SMPX: variants seen among roughly 807,000 people sequenced by gnomAD.
SMPX encodes small muscular protein.
A neutral mutation model predicts 6.3 loss-of-function variants in SMPX; 2 were observed. The ratio of observed to expected loss-of-function variants is 0.32; its 90% CI spans 0.13 to 0.99. The LOEUF is 0.99. Ranked by LOEUF, SMPX falls within the 50% of genes least tolerant of loss-of-function variation. SMPX has a pLI of 0.49. For synonymous variants in SMPX, 32 were observed against 24.7 expected (o/e 1.30, Z -0.88); for missense variants, 60 against 66.8 (o/e 0.90, Z 0.36).
intron 4 of SMPX, chrX:21,733,566 T>G (rs2092807233): frequency 4.1e-6 from 1 of 245,046 alleles, no homozygotes. Flanking sequence ...AAGGAGAATT[T>G]CTTTTTAGAG....
chrX:21,716,523 T>G (rs2092785294), intron 4 of SMPX, among the ~76,000 whole-genome samples: 1 of 112,303 alleles, frequency 8.9e-6, no homozygotes, highest in Non-Finnish European at 1.9e-5. Flanking sequence ...CACAGGGTGG[T>G]TGGGAGGATA....
intron 4 of SMPX, among the ~76,000 whole-genome samples, chrX:21,730,096 T>C (rs188839693): frequency 8.9e-6 from 1 of 112,326 alleles, no homozygotes; most frequent in African/African-American, 3.2e-5. Flanking sequence ...ATGAAAAATA[T>C]CAGCATAAAA....
intron 1 of SMPX, among the ~76,000 whole-genome samples, chrX:21,756,042 C>T (rs1266626397): frequency 8.9e-6 from 1 of 112,016 alleles, no homozygotes; most frequent in Admixed American, 9.5e-5. Context: ...AGAAAAGCTT[C>T]GTGGCTTAAT....
At chrX:21,725,467 C>A (rs1427449961) in intron 4 of SMPX, among the ~76,000 whole-genome samples, 1 of 112,589 alleles carries the variant, frequency 8.9e-6, no homozygotes, top group Non-Finnish European at 1.9e-5. Flanking sequence ...CCAAGTATTT[C>A]TTAAGCTGAT....
At chrX:21,706,732 C>A (rs1467245361) in intron 4 of SMPX, among the ~76,000 whole-genome samples, 2 of 110,593 alleles carry the variant, frequency 1.8e-5, no homozygotes, top group Non-Finnish European at 3.8e-5. Flanking sequence ...AAGGGTGGGG[C>A]CAGATGGAGA....
chrX:21,720,314 C>T (rs2092790330), intron 4 of SMPX, among the ~76,000 whole-genome samples: 1 of 111,912 alleles, frequency 8.9e-6, no homozygotes, highest in Non-Finnish European at 1.9e-5. Context: ...GGGAAGGCAC[C>T]AAGGCCTCCT....
chrX:21,713,251 A>G (rs1241404167), intron 4 of SMPX, among the ~76,000 whole-genome samples: 1 of 112,196 alleles, frequency 8.9e-6, no homozygotes, highest in Non-Finnish European at 1.9e-5. Flanking sequence ...CATTTTAGAA[A>G]TTAGGAAATT....
chrX:21,712,693 A>T, intron 4 of SMPX, among the ~76,000 whole-genome samples: 1 of 111,857 alleles, frequency 8.9e-6, no homozygotes, highest in Non-Finnish European at 1.9e-5. Flanking sequence ...TTGACCCAAG[A>T]TTTCCCTACC....
At chrX:21,755,345 G>C (rs753519629) in intron 1 of SMPX, among the ~76,000 whole-genome samples, 10 of 113,002 alleles carry the variant, frequency 8.8e-5, no homozygotes, top group Non-Finnish European at 1.5e-4. Context: ...AAAAAGCAGT[G>C]TTGGCATTTG....
chrX:21,716,714 G>A (rs1024802333), intron 4 of SMPX, among the ~76,000 whole-genome samples: 2 of 111,266 alleles, frequency 1.8e-5, no homozygotes, highest in Admixed American at 9.5e-5. Flanking sequence ...GCTGATGGTC[G>A]GGGAGATCTA....
chrX:21,707,362 A>G (rs1351199504), intron 4 of SMPX, among the ~76,000 whole-genome samples: 1 of 112,205 alleles, frequency 8.9e-6, no homozygotes, highest in East Asian at 2.8e-4. Context: ...AATTCCATGA[A>G]TGTAAATGAA....
At chrX:21,729,348 T>C (rs2092800886) in intron 4 of SMPX, among the ~76,000 whole-genome samples, 1 of 112,468 alleles carries the variant, frequency 8.9e-6, no homozygotes, top group African/African-American at 3.2e-5. Flanking sequence ...CTCAGCAGTA[T>C]TGACATTTGG....
intron 4 of SMPX, among the ~76,000 whole-genome samples, chrX:21,731,756 G>A (rs200198627): frequency 7.6e-4 from 78 of 102,736 alleles, no homozygotes; most frequent in Middle Eastern, 5.4e-3. Context: ...GTACACATTT[G>A]TGTGTATATG....
At chrX:21,742,490 T>C (rs1259471609) in intron 3 of SMPX, among the ~76,000 whole-genome samples, 1 of 112,111 alleles carries the variant, frequency 8.9e-6, no homozygotes, top group Admixed American at 9.5e-5. Flanking sequence ...GATGGAGACC[T>C]CATGATCATG....
At chrX:21,723,377 G>GTCCCCACTGTCCTCAA (rs776363011) in intron 4 of SMPX, among the ~76,000 whole-genome samples, 7 of 111,393 alleles carry the variant, frequency 6.3e-5, no homozygotes, top group African/African-American at 2.3e-4. Context: ...GTGCTGCCCT[G>GTCCCCACTGTCCTCAA]TCCCCACTGT....
chrX:21,735,117 G>A (rs1259835148), intron 4 of SMPX, among the ~76,000 whole-genome samples: 1 of 111,660 alleles, frequency 9.0e-6, no homozygotes, highest in African/African-American at 3.3e-5. Flanking sequence ...CCAGTGAAGG[G>A]TTAAGTGATG....
chrX:21,713,128 G>A (rs2092780511), intron 4 of SMPX, among the ~76,000 whole-genome samples: 1 of 112,285 alleles, frequency 8.9e-6, no homozygotes, highest in Admixed American at 9.4e-5. Context: ...TCAGATAAAA[G>A]GATGGCCTTT....
intron 4 of SMPX, among the ~76,000 whole-genome samples, chrX:21,719,440 C>A (rs1363223984): frequency 9.1e-6 from 1 of 110,039 alleles, no homozygotes; most frequent in Non-Finnish European, 1.9e-5. Context: ...CTCGCTTGAA[C>A]CCGGGAGGGG....
intron 4 of SMPX, among the ~76,000 whole-genome samples, chrX:21,730,841 C>T (rs962701791): frequency 7.1e-5 from 8 of 111,949 alleles, no homozygotes; most frequent in Non-Finnish European, 1.3e-4. Context: ...TTTATTATTC[C>T]TTACCATTTG....
Sources: allele counts gnomAD v4.1 joint callset (sites outside exome capture counted in the v4.1 genomes callset), GRCh38; gene constraint gnomAD v4.1.1; transcripts MANE v1.5; gene names NCBI Gene and HGNC (gene_info 2026-07-23, HGNC 2026-07-21).